The following CROCC2 variants were observed in gnomAD, a reference collection of about 807,000 sequenced individuals.
CROCC2 encodes ciliary rootlet coiled-coil protein 2.
A neutral mutation model predicts 177.6 loss-of-function variants in CROCC2; 163 were observed. The ratio of observed to expected loss-of-function variants is 0.92; its 90% CI spans 0.81 to 1.05. CROCC2 has a LOEUF of 1.05. Ranked by LOEUF, CROCC2 falls within the 50% of genes least tolerant of loss-of-function variation. The probability of loss-of-function intolerance (pLI) is 0.00; values close to 1 mark genes in which losing one functional copy is unlikely to be tolerated. For synonymous variants in CROCC2, 904 were observed against 787.3 expected, an observed-to-expected ratio of 1.15 and a Z score of -2.48; for missense variants, 1,929 against 1,797.8, an observed-to-expected ratio of 1.07 and a Z score of -1.32.
At chr2:240,967,184 C>T in intron 25 of CROCC2, 161 bp from the exon 26 acceptor site, 1 of 396,620 alleles carries the variant, frequency 2.5e-6, no homozygotes, top group Non-Finnish European at 4.4e-6. Flanking sequence ...ACCTTCCCCG[C>T]ACCTTCCCCG....
chr2:240,959,149 G>A lies in CROCC2; in HGVS notation c.2944-152G>A, dbSNP rs552573372. On this transcript the variant is annotated intron_variant, in intron 19 of 31. Transcript: ENST00000690015. ...TGTTTGACAGTTTAGGAAACCAAGG[G>A]CCAGTTACCCCGGGGCTTGCACGAT... 13 of 847,552 alleles carry A rather than the reference G, an allele frequency of 1.5e-5. No individual in the cohort carries two copies. In the South Asian group the frequency reaches 2.4e-4, roughly 16 times the overall value. The allele number at this position is 847,552 out of a possible 1,614,324, so 52.5% of individuals were successfully genotyped here. A position where few individuals can be genotyped will look rare whatever the true frequency, so the allele number is the denominator to read the frequency against.
intron 27 of CROCC2, among the ~76,000 whole-genome samples, chr2:240,974,047 A>C (rs1322215377): frequency 6.6e-6 from 1 of 152,204 alleles, no homozygotes; most frequent in Non-Finnish European, 1.5e-5. Context: ...TATCTTACAC[A>C]TTCAATACGT....
At chr2:240,921,755 G>C (rs77236147) in intron 3 of CROCC2, among the ~76,000 whole-genome samples, 8 of 152,162 alleles carry the variant, frequency 5.3e-5, no homozygotes, top group Non-Finnish European at 1.2e-4. Context: ...GTCTTCCAAC[G>C]CCACCTTCTC....
intron 19 of CROCC2, among the ~76,000 whole-genome samples, chr2:240,957,169 A>G (rs1574776008): frequency 6.6e-6 from 1 of 151,530 alleles, no homozygotes; most frequent in African/African-American, 2.4e-5. Flanking sequence ...CTGATCGCCA[A>G]CCCCCAGCTC....
rs1184113655 is a variant in CROCC2 at position 240,966,410 on chromosome 2, G to A, written c.4146+1G>A. ...GCTCCGGGAAGCCCAGCGGGAGCGG[G>A]TAATGGGGGCTGGGGTCCTCCCGCC... On this transcript the variant is annotated splice_donor_variant, in intron 25 of 31. Coordinates refer to ENST00000690015, the MANE Select transcript of CROCC2 (RefSeq NM_001351305.2). LOFTEE classifies it high-confidence loss of function. 7.5e-6 allele frequency: 3 copies of A among 400,972 alleles called. No homozygotes were observed. The highest frequency in any genetic ancestry group is 3.6e-5 in the East Asian group (1 of 28,078). 24.8% of individuals were successfully genotyped at this position (400,972 alleles called of 1,614,324 possible).
Position 240,982,039 on chromosome 2 carries a change from C to A in CROCC2, c.4402-841C>A, listed in dbSNP as rs2059804212. ...TCCTGCAAGCAGGAGGAGAAGGCAG[C>A]AGCGTAGGGTGGGGGCGCCAGCGGG... On this transcript the variant is annotated intron_variant, in intron 27 of 31. Coordinates refer to ENST00000690015, the MANE Select transcript of CROCC2 (RefSeq NM_001351305.2). This position sits in a 1 kb window ranked among gnomAD's most constrained non-coding sequence, Gnocchi z 4.7. The A allele has an allele frequency of 6.6e-6, 1 of 151,960 alleles. No individual in the cohort carries two copies. Among genetic ancestry groups the A allele is most frequent in the Non-Finnish European group, 1.5e-5 (1 of 68,054 alleles). 9.4% of individuals were successfully genotyped at this position (151,960 alleles called of 1,614,324 possible). A position where few individuals can be genotyped will look rare whatever the true frequency, so the allele number is the denominator to read the frequency against.
intron 28 of CROCC2, among the ~76,000 whole-genome samples, chr2:240,984,591 AC>A (rs2059823953): frequency 1.2e-5 from 1 of 86,706 alleles, no homozygotes; most frequent in South Asian, 4.3e-4. Flanking sequence ...ACACCCAGGC[AC>A]TCACTCCACA....
At chr2:240,919,420 G>A (rs1000502529) in intron 2 of CROCC2, among the ~76,000 whole-genome samples, 5 of 152,126 alleles carry the variant, frequency 3.3e-5, no homozygotes, top group Non-Finnish European at 5.9e-5. Flanking sequence ...TCCTGCACCC[G>A]CCCCAGGCCC....
At chr2:240,952,853 C>T (rs953046753) in intron 18 of CROCC2, among the ~76,000 whole-genome samples, 7 of 152,004 alleles carry the variant, frequency 4.6e-5, no homozygotes, top group Non-Finnish European at 7.4e-5. Context: ...AGGGTCCATG[C>T]GAGAGGGGCT....
intron 28 of CROCC2, 108 bp from the exon 29 acceptor site, chr2:240,988,631 G>GAC: frequency 1.7e-6 from 2 of 1,168,414 alleles, no homozygotes; most frequent in Admixed American, 4.0e-5. Flanking sequence ...AGCTCTTAGG[G>GAC]GAATTCAGAG....
At chr2:240,927,954 T>C (rs542310185) in intron 5 of CROCC2, among the ~76,000 whole-genome samples, 76 of 152,352 alleles carry the variant, frequency 5.0e-4, no homozygotes, top group African/African-American at 1.8e-3. Context: ...CCTGGCTTCT[T>C]AACTCACATT....
chr2:240,934,925 A>G lies in CROCC2; in HGVS notation c.1801A>G (p.Ser601Gly), dbSNP rs2106462691. ...LRSALARAEC[S>G]NADLELLVRR... is the part of the protein sequence containing the mutation. Reference sequence around the variant, plus strand: ...CCCCTCCCTGCCCCAGGCCGAGTGCAGCAATGCGGACCTGGAGCTTCTTGT... The same window carrying G: ...CCCCTCCCTGCCCCAGGCCGAGTGCGGCAATGCGGACCTGGAGCTTCTTGT... Residue 601 changes from serine to glycine, a missense_variant, in exon 13 of 32, where the codon AGC becomes GGC. Coordinates refer to ENST00000690015, the MANE Select transcript of CROCC2 (RefSeq NM_001351305.2). 2.0e-6 allele frequency: 3 copies of G among 1,518,358 alleles called. No homozygotes were observed. Among genetic ancestry groups the G allele is most frequent in the East Asian group, 2.6e-5 (1 of 38,552 alleles). The allele number at this position is 1,518,358 out of a possible 1,614,324, so 94.1% of individuals were successfully genotyped here. A position where few individuals can be genotyped will look rare whatever the true frequency, so the allele number is the denominator to read the frequency against.
intron 1 of CROCC2, among the ~76,000 whole-genome samples, chr2:240,912,324 A>C (rs1284893518): frequency 6.6e-6 from 1 of 152,230 alleles, no homozygotes; most frequent in Non-Finnish European, 1.5e-5. Context: ...ACTCAGTCCC[A>C]TAAAGCTGCC....
rs570946153 is a variant in CROCC2, at chr2:240,923,429, C to T, written c.488+784C>T. Among the ~76,000 whole-genome samples, 27 of 150,132 alleles carry T rather than the reference C, an allele frequency of 1.8e-4. No homozygotes were observed. The South Asian group carries it at 5.7e-3, about 32-fold the overall frequency. ...TTATCAAGGGGGCCTCTGCCCGGCC[C>T]CCACCCTGCCTGTACTAACCCGGCC... On this transcript the variant is annotated intron_variant, in intron 4 of 31. Transcript: ENST00000690015.
At chr2:240,925,302 C>T (rs2059388923) in intron 4 of CROCC2, among the ~76,000 whole-genome samples, 1 of 152,132 alleles carries the variant, frequency 6.6e-6, no homozygotes, top group African/African-American at 2.4e-5. Flanking sequence ...GTGGGGAAGT[C>T]CCCAGGGTGC....
In CROCC2 at chr2:240,983,042, A is replaced by C; in HGVS notation, c.4551+13A>C. ...GCCCCTGCGACAGGTGAGGGTGACC[A>C]GGAGGGCAGGGTACGCTGTCACCAG... On this transcript the variant is annotated intron_variant, in intron 28 of 31. Transcript: ENST00000690015. The C allele has an allele frequency of 1.9e-6, 3 of 1,549,030 alleles. No homozygotes were observed. Among genetic ancestry groups the C allele is most frequent in the East Asian group, 2.4e-5 (1 of 40,910 alleles).
At chr2:240,952,806 C>T (rs1232538452) in intron 18 of CROCC2, among the ~76,000 whole-genome samples, 18 of 152,248 alleles carry the variant, frequency 1.2e-4, no homozygotes, top group Middle Eastern at 6.8e-3. Flanking sequence ...TGGGCGGAAA[C>T]GAGTCTGGGG....
In CROCC2 at chr2:240,935,077, A is replaced by G. The variant is rs906699566; in HGVS notation, c.1938+15A>G. ...TGGCTCTCCAGGTGAGACAAGGGCC[A>G]GTGGGGCGGGCCTCGCTGGAACCTG... is the stretch of plus-strand genomic sequence containing the variant. On this transcript the variant is annotated intron_variant, in intron 13 of 31. Coordinates refer to ENST00000690015, the MANE Select transcript of CROCC2 (RefSeq NM_001351305.2). 6.0e-6 allele frequency: 8 copies of G among 1,341,782 alleles called. No individual in the cohort carries two copies. The highest frequency in any genetic ancestry group is 3.1e-5 in the African/African-American group (2 of 65,472). The allele number at this position is 1,341,782 out of a possible 1,614,324, so 83.1% of individuals were successfully genotyped here.
Position 240,953,575 on chromosome 2 carries a change from A to G in CROCC2, c.2830-2284A>G, listed in dbSNP as rs1437250638. 1.3e-5 allele frequency among the ~76,000 whole-genome samples: 2 copies of G among 152,150 alleles called. No individual in the cohort carries two copies. The highest frequency in any genetic ancestry group is 2.1e-4 in the South Asian group (1 of 4,828). ...GTGGGGAGCCCTTGCCGGTGCAGCA[A>G]GTGAGTTTTCCCAGGACCTCTGCTT... On this transcript the variant is annotated intron_variant, in intron 18 of 31. Coordinates refer to ENST00000690015, the MANE Select transcript of CROCC2 (RefSeq NM_001351305.2). This position sits in a 1 kb window ranked among gnomAD's most constrained non-coding sequence, Gnocchi z 4.0.
Sources: allele counts gnomAD v4.1 joint callset (sites outside exome capture counted in the v4.1 genomes callset), GRCh38; gene constraint gnomAD v4.1.1; non-coding constraint Gnocchi (gnomAD v3.1); transcripts MANE v1.5; gene names NCBI Gene and HGNC (gene_info 2026-07-23, HGNC 2026-07-21).